WLS: variants seen among roughly 807,000 people sequenced by gnomAD.
WLS encodes the protein protein wntless homolog.
Under a neutral mutation model 62.8 loss-of-function variants are expected in WLS, and 23 were observed. The ratio of observed to expected loss-of-function variants is 0.37; its 90% CI spans 0.26 to 0.52. The LOEUF (loss-of-function observed/expected upper bound fraction) is 0.52. Among genes scored for constraint, WLS ranks in the 20% least tolerant of loss-of-function variants. WLS has a pLI of 0.92. For missense variants in WLS, 615 were observed against 697.3 expected (o/e 0.88, Z 1.33); for synonymous variants, 246 against 244.1 (o/e 1.01, Z -0.07).
intron 11 of WLS, among the ~76,000 whole-genome samples, chr1:68,135,661 T>C (rs1646598708): frequency 6.6e-6 from 1 of 152,174 alleles, no homozygotes. Flanking sequence ...GTCCAGCCAT[T>C]GCTTTAAGTG....
At chr1:68,215,123 GA>G (rs1375162839) in intron 1 of WLS, among the ~76,000 whole-genome samples, 2 of 152,144 alleles carry the variant, frequency 1.3e-5, no homozygotes, top group African/African-American at 2.4e-5. Context: ...TGAGAGTGGG[GA>G]AAAAAATGCT....
intron 2 of WLS, among the ~76,000 whole-genome samples, chr1:68,189,482 GTA>G (rs1648166650): frequency 6.6e-6 from 1 of 152,042 alleles, no homozygotes; most frequent in South Asian, 2.1e-4. Context: ...TTCTAAGTAT[GTA>G]TATATGTATA....
In WLS at chr1:68,155,190, T is replaced by C; in HGVS notation, c.575A>G (p.His192Arg). The C allele has an allele frequency of 1.2e-6, 2 of 1,614,042 alleles. No individual in the cohort carries two copies. Among genetic ancestry groups the C allele is most frequent in the Non-Finnish European group, 1.7e-6 (2 of 1,179,958 alleles). Residue 192 changes from histidine to arginine, a missense_variant, in exon 4 of 12, where the codon CAT (histidine) becomes CGT (arginine). Transcript: ENST00000262348. ...CCGGATGTTTAAAAGGTAAAACTTA[T>C]GGGCCACAGACCCAATTTCCATGAA... ...LPFMEIGSVA[H>R]KFYLLNIRLP...
At chr1:68,130,081 G>C (rs1435087738) in intron 11 of WLS, among the ~76,000 whole-genome samples, 1 of 152,182 alleles carries the variant, frequency 6.6e-6, no homozygotes, top group African/African-American at 2.4e-5. Context: ...TGTGTAAGCG[G>C]CTGCTTGGTT....
At chr1:68,120,240 A>C (rs1198700992) in intron 11 of WLS, among the ~76,000 whole-genome samples, 1 of 152,170 alleles carries the variant, frequency 6.6e-6, no homozygotes, top group Admixed American at 6.5e-5. Flanking sequence ...CCACAGCAAG[A>C]GTTAGAGACA....
chr1:68,179,530 C>T (rs1034645338), intron 2 of WLS, among the ~76,000 whole-genome samples: 4 of 152,232 alleles, frequency 2.6e-5, no homozygotes, highest in African/African-American at 9.6e-5. Context: ...ATGAAATAAA[C>T]GTTGTCTTAA....
intron 2 of WLS, among the ~76,000 whole-genome samples, chr1:68,192,914 G>A (rs1231060472): frequency 2.2e-5 from 3 of 138,752 alleles, no homozygotes; most frequent in African/African-American, 7.9e-5. Flanking sequence ...GGCCAACATG[G>A]TAAAACCCCA....
rs542266710 is a variant in WLS, at chr1:68,214,767, A to AAATATCTAGAT, written c.106+17426_106+17427insATCTAGATATT. ...GCAAAAACTAAATTAGTAAGATGAT[A>AAATATCTAGAT]CTGAAAAATATCTAGAGATAAAGCA... On this transcript the variant is annotated intron_variant, in intron 1 of 11. Coordinates refer to ENST00000262348, the MANE Select transcript of WLS (RefSeq NM_024911.7). 5.1e-4 allele frequency among the ~76,000 whole-genome samples: 77 copies of AAATATCTAGAT among 152,342 alleles called. No individual in the cohort carries two copies. The Middle Eastern group carries it at 0.01, about 20-fold the overall frequency.
chr1:68,126,038 C>T lies in WLS; in HGVS notation c.*188G>A, dbSNP rs1338911090. 14 of 1,431,370 alleles carry T rather than the reference C, an allele frequency of 9.8e-6. No homozygotes were observed. Among genetic ancestry groups the T allele is most frequent in the South Asian group, 4.7e-5 (3 of 63,858 alleles). 88.7% of individuals were successfully genotyped at this position (1,431,370 alleles called of 1,614,324 possible). On this transcript the variant is annotated 3_prime_UTR_variant, in exon 12 of 12. Transcript: ENST00000262348. ...ATCATACACAATGCATTAGTGGCTG[C>T]AGGAATCTTCCTCCAAAAGCTACCG...
intron 11 of WLS, among the ~76,000 whole-genome samples, chr1:68,109,982 T>G (rs555287223): frequency 8.4e-6 from 1 of 118,502 alleles, no homozygotes; most frequent in African/African-American, 3.4e-5. Flanking sequence ...TCAACTGAAT[T>G]TGCACTGGAA....
chr1:68,191,981 A>G (rs1401941371), intron 2 of WLS, among the ~76,000 whole-genome samples: 3 of 152,208 alleles, frequency 2.0e-5, no homozygotes, highest in East Asian at 1.9e-4. Flanking sequence ...TTAAGTTTCC[A>G]TATCCTCCTG....
chr1:68,136,819 C>T (rs1261729506), intron 11 of WLS, among the ~76,000 whole-genome samples: 1 of 152,218 alleles, frequency 6.6e-6, no homozygotes, highest in African/African-American at 2.4e-5. Context: ...GCAACACACA[C>T]TCACTGAGTA....
chr1:68,142,563 TAAAAC>T (rs1192173804), intron 10 of WLS: 1 of 152,160 alleles, frequency 6.6e-6, no homozygotes, highest in East Asian at 1.9e-4. Flanking sequence ...GCTGGTAGAA[TAAAAC>T]ACTCTTTCAG....
At chr1:68,123,219 C>A (rs1268103478), downstream of WLS, among the ~76,000 whole-genome samples, 1 of 152,190 alleles carries the variant, frequency 6.6e-6, no homozygotes, top group Admixed American at 6.5e-5. Flanking sequence ...TCTGCCCTTG[C>A]CACTTAAGAA....
chr1:68,229,075 TGAAA>T (rs1283187564), intron 1 of WLS, among the ~76,000 whole-genome samples: 1 of 152,072 alleles, frequency 6.6e-6, no homozygotes, highest in Non-Finnish European at 1.5e-5. Context: ...CTCTAAGTAC[TGAAA>T]GAGTTACACA....
chr1:68,117,742 C>T (rs2566763), intron 11 of WLS: 147,323 of 152,436 alleles, frequency 0.97, 71,324 homozygotes, highest in South Asian at 1. Flanking sequence ...GGTGAGTTCC[C>T]GGGGAGCTTC....
intron 2 of WLS, among the ~76,000 whole-genome samples, chr1:68,188,957 C>T (rs1648132914): frequency 6.6e-6 from 1 of 152,244 alleles, no homozygotes; most frequent in Non-Finnish European, 1.5e-5. Flanking sequence ...TCCTCCTTAT[C>T]AGAGGTTTCA....
At chr1:68,145,533 C>T (rs1426488051) in intron 9 of WLS, among the ~76,000 whole-genome samples, 1 of 152,122 alleles carries the variant, frequency 6.6e-6, no homozygotes, top group Non-Finnish European at 1.5e-5. Context: ...TTGACTAAAG[C>T]CTCATCCCAA....
At chr1:68,165,683 G>A (rs1647050272) in intron 2 of WLS, among the ~76,000 whole-genome samples, 1 of 152,146 alleles carries the variant, frequency 6.6e-6, no homozygotes. Flanking sequence ...CCAGCGGTGG[G>A]GAGAAAAGGG....
Sources: allele counts gnomAD v4.1 joint callset (sites outside exome capture counted in the v4.1 genomes callset), GRCh38; gene constraint gnomAD v4.1.1; transcripts MANE v1.5; gene names NCBI Gene and HGNC (gene_info 2026-07-23, HGNC 2026-07-21).